Variants in GPR107 observed in about 807,000 individuals in gnomAD.
The protein encoded by GPR107 is protein GPR107.
Under a neutral mutation model 75.5 loss-of-function variants are expected in GPR107, and 31 were observed. That is an observed-to-expected ratio of 0.41 (90% confidence interval 0.31 to 0.55). The LOEUF is 0.55. GPR107 is among the 20% of genes least tolerant of loss of function. GPR107 has a pLI of 0.26. For synonymous variants in GPR107, 267 were observed against 251.3 expected, an observed-to-expected ratio of 1.06 and a Z score of -0.59; for missense variants, 572 against 665.7, an observed-to-expected ratio of 0.86 and a Z score of 1.55.
chr9:130,121,040 A>G (rs961018433), intron 14 of GPR107: 2 of 152,198 alleles, frequency 1.3e-5, no homozygotes, highest in Non-Finnish European at 2.9e-5. Context: ...CCCTGTCTCC[A>G]TAAGAAGTTA....
At chr9:130,058,062 C>T (rs1238877223) in intron 1 of GPR107, among the ~76,000 whole-genome samples, 1 of 152,172 alleles carries the variant, frequency 6.6e-6, no homozygotes, top group African/African-American at 2.4e-5. Flanking sequence ...CTCCTAACCT[C>T]AGGTGATCCA....
rs191331937 is a variant in GPR107, at chr9:130,085,942, G to A, written c.565-478G>A. ...ATTTTTGTATTTTTAGTAGAGATGG[G>A]GTTTCACCTTGTTGGCCAGGCTGGT... is the stretch of plus-strand genomic sequence containing the variant. On this transcript the variant is annotated intron_variant, in intron 6 of 17. Transcript: ENST00000347136. 3.0e-3 allele frequency among the ~76,000 whole-genome samples: 461 copies of A among 151,864 alleles called. 4 individuals are homozygous for A. The highest frequency in any genetic ancestry group is 0.01 in the African/African-American group (427 of 41,386).
intron 15 of GPR107, among the ~76,000 whole-genome samples, chr9:130,126,262 T>C (rs1044762560): frequency 6.6e-6 from 1 of 151,496 alleles, no homozygotes; most frequent in African/African-American, 2.4e-5. Flanking sequence ...ATTATTAGGA[T>C]CATAATTTCT....
At chr9:130,078,382 T>TA (rs1012560595) in intron 4 of GPR107, among the ~76,000 whole-genome samples, 112 of 149,156 alleles carry the variant, frequency 7.5e-4, no homozygotes, top group African/African-American at 2.6e-3. Flanking sequence ...AATAAGCTTC[T>TA]AAAAAAAAAA....
At chr9:130,106,161 G>A (rs941605174) in intron 13 of GPR107, among the ~76,000 whole-genome samples, 2 of 152,248 alleles carry the variant, frequency 1.3e-5, no homozygotes, top group Admixed American at 6.5e-5. Context: ...AAGCTGTCGA[G>A]GTGTAAGCAG....
rs752679373 is a variant in GPR107 at position 130,075,743 on chromosome 9, T to C, written c.249T>C (p.Asp83=). ...CACTGAATGAGCCTGAAGACAAGGA[T>C]GTGACTGTAAGTACCTTTTAATGAG... The part of the protein sequence containing the change: ...SLSLNEPEDK[D]VTIGFSLDRT... The change falls in exon 2 of 18, where the codon GAT becomes GAC. Residue 83 remains aspartate (D), a synonymous_variant. Coordinates refer to ENST00000347136, the MANE Select transcript of GPR107 (RefSeq NM_020960.5). The C allele has an allele frequency of 2.7e-6, 4 of 1,495,120 alleles. No homozygotes were observed. In the Admixed American group the frequency reaches 6.7e-5, roughly 25 times the overall value. 92.6% of individuals were successfully genotyped at this position (1,495,120 alleles called of 1,614,324 possible). A position where few individuals can be genotyped will look rare whatever the true frequency, so the allele number is the denominator to read the frequency against.
chr9:130,100,773 G>A, intron 11 of GPR107, 71 bp downstream of exon 11: 2 of 1,133,422 alleles, frequency 1.8e-6, no homozygotes, highest in Non-Finnish European at 2.7e-6. Context: ...GCAACAACCT[G>A]CCCCAAGTTA....
intron 13 of GPR107, 96 bp downstream of exon 13, chr9:130,104,646 A>G: frequency 5.9e-6 from 6 of 1,019,070 alleles, no homozygotes; most frequent in Non-Finnish European, 9.0e-6. Context: ...GTCACATGGG[A>G]CGTGTGTTTA....
intron 8 of GPR107, among the ~76,000 whole-genome samples, chr9:130,091,308 G>A (rs1334736295): frequency 6.6e-6 from 1 of 152,034 alleles, no homozygotes; most frequent in African/African-American, 2.4e-5. Flanking sequence ...GGGCAATATG[G>A]CAAAACCCTC....
Position 130,107,500 on chromosome 9 carries a change from A to C in GPR107, c.1267A>C (p.Ile423Leu). The change falls in exon 14 of 18, where the codon ATC becomes CTC. Residue 423 changes from isoleucine (I) to leucine (L), a missense_variant. Transcript: ENST00000347136. Reference protein sequence around the residue: ...GAILFPVVWSIRHLQEASATD... With the variant: ...GAILFPVVWSLRHLQEASATD... ...TCTCTAAATGTTTATTTTTAGGTCAATCAGACATTTACAAGAAGCATCAGC... is the reference window on the plus strand; with the variant it reads ...TCTCTAAATGTTTATTTTTAGGTCACTCAGACATTTACAAGAAGCATCAGC... 4 of 1,585,014 alleles carry C rather than the reference A, an allele frequency of 2.5e-6. No individual in the cohort carries two copies. Among genetic ancestry groups the C allele is most frequent in the Non-Finnish European group, 3.5e-6 (4 of 1,153,296 alleles).
intron 4 of GPR107, among the ~76,000 whole-genome samples, chr9:130,078,610 G>A (rs1294418670): frequency 1.3e-5 from 2 of 152,206 alleles, no homozygotes; most frequent in African/African-American, 4.8e-5. Context: ...CAGGCCTGCG[G>A]TGGCTTGCTG....
chr9:130,117,601 G>A (rs2132636783), intron 14 of GPR107, among the ~76,000 whole-genome samples: 1 of 152,318 alleles, frequency 6.6e-6, no homozygotes, highest in Admixed American at 6.5e-5. Context: ...CTGGAGCCCA[G>A]GACTTAAGCA....
chr9:130,092,322 A>G lies in GPR107; in HGVS notation c.804A>G (p.Ser268=), dbSNP rs1204082297. 1 of 1,607,004 alleles carries G rather than the reference A, an allele frequency of 6.2e-7. No homozygotes were observed. Among genetic ancestry groups the G allele is most frequent in the South Asian group, 1.1e-5 (1 of 90,904 alleles). ...GEIPLPKLYI[S]MAFFFFLSGT... Reference sequence around the variant, plus strand: ...TTCCTCTCCCCAAATTATACATCTCAATGGCCTTTTTCTTCTTTCTTTCTG... The same window carrying G: ...TTCCTCTCCCCAAATTATACATCTCGATGGCCTTTTTCTTCTTTCTTTCTG... Residue 268 remains serine (S), a synonymous_variant, in exon 9 of 18, where the codon TCA becomes TCG. Coordinates refer to ENST00000347136, the MANE Select transcript of GPR107 (RefSeq NM_020960.5).
chr9:130,100,520 A>G, intron 10 of GPR107, 109 bp from the exon 11 acceptor site: 1 of 834,700 alleles, frequency 1.2e-6, no homozygotes, highest in South Asian at 1.4e-5. Flanking sequence ...TGGCAGCGTC[A>G]CCAAATGACA....
intron 6 of GPR107, among the ~76,000 whole-genome samples, chr9:130,083,871 C>G (rs574368087): frequency 6.6e-6 from 1 of 152,082 alleles, no homozygotes; most frequent in East Asian, 1.9e-4. Flanking sequence ...TAAATCATCT[C>G]TGGAGTACTC....
intron 5 of GPR107, among the ~76,000 whole-genome samples, chr9:130,082,147 A>G (rs922504335): frequency 2.6e-5 from 4 of 152,184 alleles, no homozygotes; most frequent in African/African-American, 9.6e-5. Flanking sequence ...GGCACCAGCC[A>G]TTCATGAGGG....
intron 9 of GPR107, among the ~76,000 whole-genome samples, chr9:130,093,441 C>T (rs1232152142): frequency 1.3e-5 from 2 of 152,110 alleles, no homozygotes; most frequent in Admixed American, 6.5e-5. Context: ...TAATTAAGCA[C>T]CCTGAAATAC....
intron 9 of GPR107, among the ~76,000 whole-genome samples, chr9:130,093,906 C>G (rs1302539273): frequency 1.3e-5 from 2 of 152,138 alleles, no homozygotes; most frequent in Non-Finnish European, 2.9e-5. Flanking sequence ...ACCTCCACCT[C>G]TGGGTTCAAG....
At chr9:130,058,786 ATCTT>A (rs1344071154) in intron 1 of GPR107, among the ~76,000 whole-genome samples, 3 of 152,060 alleles carry the variant, frequency 2.0e-5, no homozygotes, top group East Asian at 3.9e-4. Context: ...TTTTGTGCCC[ATCTT>A]TCTTTCTTTC....
Sources: allele counts gnomAD v4.1 joint callset (sites outside exome capture counted in the v4.1 genomes callset), GRCh38; gene constraint gnomAD v4.1.1; transcripts MANE v1.5; gene names NCBI Gene and HGNC (gene_info 2026-07-23, HGNC 2026-07-21).